The following HDAC9 variants were observed in gnomAD, a reference collection of about 807,000 sequenced individuals.
HDAC9 encodes MEF-2 interacting transcription repressor (MITR) protein.
In HDAC9, 41 loss-of-function variants were observed where a neutral mutation model predicts 139.4. The observed-to-expected ratio is 0.29, with a 90% confidence interval of 0.23 to 0.38. HDAC9 has a LOEUF of 0.38. HDAC9 is among the 10% of genes least tolerant of loss of function. The pLI is 1.00. For missense variants in HDAC9, 1,147 were observed against 1,297.0 expected, an observed-to-expected ratio of 0.88 and a Z score of 1.78; for synonymous variants, 517 against 476.2, an observed-to-expected ratio of 1.09 and a Z score of -1.12.
chr7:18,132,891 C>CG (rs1785113559), intron 1 of HDAC9, among the ~76,000 whole-genome samples: 1 of 151,906 alleles, frequency 6.6e-6, no homozygotes, highest in African/African-American at 2.4e-5. Context: ...AATAAAGTGA[C>CG]TTATTTTTTA....
intron 22 of HDAC9, among the ~76,000 whole-genome samples, chr7:18,880,514 G>A (rs974981454): frequency 3.3e-5 from 5 of 152,048 alleles, no homozygotes; most frequent in African/African-American, 1.2e-4. Flanking sequence ...ATCATGGATG[G>A]AGCTGGAGGC....
At chr7:18,956,817 G>C (rs1313255003) in intron 24 of HDAC9, among the ~76,000 whole-genome samples, 1 of 152,088 alleles carries the variant, frequency 6.6e-6, no homozygotes, top group Non-Finnish European at 1.5e-5. Flanking sequence ...CTCAATTCAG[G>C]CCAATGAAAA....
At chr7:18,942,338 T>A (rs1320148562) in intron 23 of HDAC9, among the ~76,000 whole-genome samples, 1 of 152,092 alleles carries the variant, frequency 6.6e-6, no homozygotes, top group Non-Finnish European at 1.5e-5. Flanking sequence ...TAAGACTTCT[T>A]GGAATTGTGG....
chr7:18,943,940 T>C (rs1410963337), intron 23 of HDAC9, among the ~76,000 whole-genome samples: 4 of 152,284 alleles, frequency 2.6e-5, no homozygotes, highest in Non-Finnish European at 5.9e-5. Flanking sequence ...TGATTGTCAA[T>C]ACAATCACCC....
intron 17 of HDAC9, among the ~76,000 whole-genome samples, chr7:18,804,779 A>AT (rs1441698606): frequency 2.0e-5 from 3 of 152,104 alleles, no homozygotes; most frequent in Non-Finnish European, 2.9e-5. Flanking sequence ...CATAGATGTG[A>AT]TTGATGGAAG....
chr7:18,853,432 A>T (rs892327632), intron 21 of HDAC9, among the ~76,000 whole-genome samples: 2 of 152,174 alleles, frequency 1.3e-5, no homozygotes, highest in African/African-American at 4.8e-5. Flanking sequence ...AATATAATAG[A>T]TGGTTACAAA....
intron 2 of HDAC9, among the ~76,000 whole-genome samples, chr7:18,174,588 T>C (rs1788727891): frequency 6.6e-6 from 1 of 152,232 alleles, no homozygotes; most frequent in Admixed American, 6.5e-5. Context: ...CTTTGTGGTT[T>C]TATCTACCTT....
intron 1 of HDAC9, among the ~76,000 whole-genome samples, chr7:18,349,871 T>C (rs1200593515): frequency 2.0e-5 from 3 of 152,194 alleles, no homozygotes; most frequent in African/African-American, 7.2e-5. Context: ...TTAGTATATT[T>C]CAGTTGTTCT....
intron 1 of HDAC9, among the ~76,000 whole-genome samples, chr7:18,118,164 A>G (rs774140611): frequency 1.8e-4 from 27 of 152,182 alleles, no homozygotes; most frequent in Non-Finnish European, 3.5e-4. Context: ...ATCCATGAGG[A>G]TTATATTGTT....
intron 22 of HDAC9, among the ~76,000 whole-genome samples, chr7:18,904,342 A>G (rs181531658): frequency 2.6e-5 from 4 of 152,182 alleles, no homozygotes; most frequent in Non-Finnish European, 5.9e-5. Context: ...CAGATTATCT[A>G]TGATGATCAG....
chr7:18,864,602 T>G (rs1798350748), intron 21 of HDAC9, among the ~76,000 whole-genome samples: 1 of 137,458 alleles, frequency 7.3e-6, no homozygotes, highest in African/African-American at 2.9e-5. Context: ...TTGAGGATTC[T>G]TACCACAATT....
intron 17 of HDAC9, among the ~76,000 whole-genome samples, chr7:18,820,743 G>A (rs1377025366): frequency 1.3e-5 from 2 of 152,126 alleles, no homozygotes; most frequent in Non-Finnish European, 2.9e-5. Flanking sequence ...TGAGCAAAAA[G>A]TAGATGTTTT....
chr7:18,387,278 A>G (rs1786028632), intron 1 of HDAC9, among the ~76,000 whole-genome samples: 1 of 151,680 alleles, frequency 6.6e-6, no homozygotes, highest in Admixed American at 6.6e-5. Context: ...GTAGATTTTC[A>G]GCCAATATAA....
At chr7:18,276,445 C>T (rs188363561) in intron 2 of HDAC9, among the ~76,000 whole-genome samples, 1 of 152,264 alleles carries the variant, frequency 6.6e-6, no homozygotes, top group East Asian at 1.9e-4. Flanking sequence ...CAGTTTGTGT[C>T]AGCTTCTTGA....
At chr7:18,550,232 GCCAGTTGCCCTA>G (rs950516113) in intron 2 of HDAC9, among the ~76,000 whole-genome samples, 1 of 152,090 alleles carries the variant, frequency 6.6e-6, no homozygotes, top group Admixed American at 6.5e-5. Context: ...ACTGAAAACA[GCCAGTTGCCCTA>G]CCAACCTGTT....
intron 1 of HDAC9, among the ~76,000 whole-genome samples, chr7:18,328,411 G>A (rs1426617491): frequency 6.6e-6 from 1 of 151,874 alleles, no homozygotes. Flanking sequence ...AAACTCACCA[G>A]ATATTAGTGT....
At chr7:18,202,675 T>C (rs1000187470) in intron 2 of HDAC9, among the ~76,000 whole-genome samples, 1 of 152,238 alleles carries the variant, frequency 6.6e-6, no homozygotes. Context: ...ATCATGATTA[T>C]TAAGATGAAT....
rs371215387 is a variant in HDAC9 at position 18,888,419 on chromosome 7, C to T, written c.2803+13823C>T. 5.0e-4 allele frequency among the ~76,000 whole-genome samples: 76 copies of T among 152,162 alleles called. No individual in the cohort carries two copies. In the East Asian group the frequency reaches 0.014, roughly 28 times the overall value. ...CAGCCTGGGCGACAGAGCGAGACTCCGTCTCAAAAAATAAAATAAAATAAG... is the reference window on the plus strand; with the variant it reads ...CAGCCTGGGCGACAGAGCGAGACTCTGTCTCAAAAAATAAAATAAAATAAG... On this transcript the variant is annotated intron_variant, in intron 22 of 25. Coordinates refer to ENST00000686413, the MANE Select transcript of HDAC9 (RefSeq NM_178425.4).
intron 2 of HDAC9, among the ~76,000 whole-genome samples, chr7:18,274,691 A>C (rs1236736940): frequency 6.6e-6 from 1 of 152,246 alleles, no homozygotes; most frequent in Non-Finnish European, 1.5e-5. Context: ...GGTCTGAGAA[A>C]GAATGAACTA....
Sources: gnomAD v4.1 joint callset for allele counts (sites outside exome capture counted in the v4.1 genomes callset) on GRCh38, gnomAD v4.1.1 for gene constraint, MANE v1.5 for transcripts, NCBI Gene and HGNC (gene_info 2026-07-23, HGNC 2026-07-21) for gene names.